Variants in CTDSPL observed in about 807,000 individuals in gnomAD.
CTDSPL encodes CTD small phosphatase like, also known as CTD small phosphatase-like protein.
In CTDSPL, 8 loss-of-function variants were observed where a neutral mutation model predicts 30.5. That is an observed-to-expected ratio of 0.26 (90% CI 0.15 to 0.47). The LOEUF is 0.47. Ranked by LOEUF, CTDSPL falls within the 20% of genes least tolerant of loss-of-function variation. CTDSPL has a pLI of 0.99. For missense variants in CTDSPL, 248 were observed against 366.1 expected (o/e 0.68, Z 2.63); for synonymous variants, 110 against 137.9 (o/e 0.80, Z 1.42).
chr3:37,900,822 G>T (rs145210303), intron 1 of CTDSPL, among the ~76,000 whole-genome samples: 1 of 151,866 alleles, frequency 6.6e-6, no homozygotes, highest in African/African-American at 2.4e-5. Context: ...TTTTTTAGAC[G>T]AAGTCTCGCT....
intron 4 of CTDSPL, 65 bp downstream of exon 4, chr3:37,964,737 GA>G: frequency 7.7e-7 from 1 of 1,291,590 alleles, no homozygotes; most frequent in Non-Finnish European, 1.1e-6. Context: ...TTGGAAAAGG[GA>G]AAACAAAAAG....
rs575171200 is a variant in CTDSPL at position 37,949,315 on chromosome 3, C to T, written c.234+2104C>T. ...TCCCTATTTGTTGATGCAGGCAGTT[C>T]CCCTTTATGGACATAATTATGAATG... On this transcript the variant is annotated intron_variant, in intron 2 of 7. Transcript: ENST00000273179. Among the ~76,000 whole-genome samples the T allele has an allele frequency of 6.6e-5, 10 of 152,208 alleles. No individual in the cohort carries two copies. The East Asian group carries it at 1.2e-3, about 18-fold the overall frequency.
intron 2 of CTDSPL, among the ~76,000 whole-genome samples, chr3:37,950,189 A>G (rs1163198735): frequency 6.6e-6 from 1 of 152,200 alleles, no homozygotes; most frequent in African/African-American, 2.4e-5. Flanking sequence ...CTGCTGGGCC[A>G]TGAAAACAGC....
In CTDSPL at chr3:37,981,026, C is replaced by G. The variant is rs1699485680; in HGVS notation, c.*159C>G. 1.6e-6 allele frequency: 1 copy of G among 635,144 alleles called. No individual in the cohort carries two copies. The highest frequency in any genetic ancestry group is 2.3e-6 in the Non-Finnish European group (1 of 439,292). 39.3% of individuals were successfully genotyped at this position (635,144 alleles called of 1,614,324 possible). A position where few individuals can be genotyped will look rare whatever the true frequency, so the allele number is the denominator to read the frequency against. ...CCTACCTGTTTTGTTTTTTTAAGAA[C>G]AGAAACAACTATTTTAAAAGAACTC... On this transcript the variant is annotated 3_prime_UTR_variant, in exon 8 of 8. Transcript: ENST00000273179.
intron 1 of CTDSPL, among the ~76,000 whole-genome samples, chr3:37,898,993 G>A (rs761908762): frequency 4.6e-4 from 70 of 152,316 alleles, no homozygotes; most frequent in Non-Finnish European, 9.6e-4. Flanking sequence ...ATCCCAGTGA[G>A]TGAATGAGGA....
At chr3:37,976,446 A>G (rs1699428884) in intron 7 of CTDSPL, among the ~76,000 whole-genome samples, 1 of 152,102 alleles carries the variant, frequency 6.6e-6, no homozygotes, top group South Asian at 2.1e-4. Flanking sequence ...ATCCTGGCCA[A>G]CATGGTAAAA....
At chr3:37,872,941 A>G (rs2125589041) in intron 1 of CTDSPL, among the ~76,000 whole-genome samples, 2 of 152,228 alleles carry the variant, frequency 1.3e-5, no homozygotes, top group Admixed American at 1.3e-4. Context: ...TCTCTACTGT[A>G]CTGCAATGGG....
intron 1 of CTDSPL, among the ~76,000 whole-genome samples, chr3:37,921,954 C>T (rs1199553771): frequency 6.6e-6 from 1 of 152,156 alleles, no homozygotes; most frequent in East Asian, 1.9e-4. Context: ...CCACATAGGG[C>T]CAGGCGCGGT....
chr3:37,900,684 G>A lies in CTDSPL; in HGVS notation c.79+38406G>A, dbSNP rs561444075. Among the ~76,000 whole-genome samples the A allele has an allele frequency of 2.0e-5, 3 of 152,190 alleles. No individual in the cohort carries two copies. In the South Asian group the frequency reaches 6.2e-4, roughly 32 times the overall value. On this transcript the variant is annotated intron_variant, in intron 1 of 7. Coordinates refer to ENST00000273179, the MANE Select transcript of CTDSPL (RefSeq NM_001008392.2). ...TATGTATATGGATAAATATCATGAG[G>A]AGACCATGGAACCTATCTCACATAT...
chr3:37,890,762 T>C (rs1231887821), intron 1 of CTDSPL, among the ~76,000 whole-genome samples: 2 of 152,166 alleles, frequency 1.3e-5, no homozygotes, highest in Non-Finnish European at 2.9e-5. Context: ...GGCAGGTAAC[T>C]GGGCTATCTC....
At chr3:37,949,825 G>T (rs2125623824) in intron 2 of CTDSPL, among the ~76,000 whole-genome samples, 1 of 152,340 alleles carries the variant, frequency 6.6e-6, no homozygotes, top group East Asian at 1.9e-4. Context: ...TGGGCCTGCT[G>T]GTGGAGCCTG....
At chr3:37,876,941 A>T (rs1297924582) in intron 1 of CTDSPL, among the ~76,000 whole-genome samples, 3 of 152,002 alleles carry the variant, frequency 2.0e-5, no homozygotes, top group African/African-American at 7.3e-5. Flanking sequence ...CCCCGTCTCT[A>T]CTAAAAATAC....
intron 1 of CTDSPL, among the ~76,000 whole-genome samples, chr3:37,896,205 T>C (rs1698388363): frequency 6.6e-6 from 1 of 152,144 alleles, no homozygotes; most frequent in Admixed American, 6.5e-5. Context: ...ATACAAATGA[T>C]TGAATGCAGA....
intron 1 of CTDSPL, among the ~76,000 whole-genome samples, chr3:37,875,839 TATTA>T (rs1429846877): frequency 2.0e-5 from 3 of 152,270 alleles, no homozygotes; most frequent in African/African-American, 7.2e-5. Context: ...TTTGAGTTGC[TATTA>T]ATTCTAATGT....
chr3:37,967,742 T>C, intron 4 of CTDSPL, 84 bp from the exon 5 acceptor site: 1 of 951,080 alleles, frequency 1.1e-6, no homozygotes, highest in Admixed American at 2.6e-5. Flanking sequence ...AAAACATTGG[T>C]CTAGGCAGGC....
intron 7 of CTDSPL, among the ~76,000 whole-genome samples, chr3:37,979,934 C>T (rs374537467): frequency 6.6e-6 from 1 of 152,240 alleles, no homozygotes; most frequent in African/African-American, 2.4e-5. Context: ...GAAGTGTGTC[C>T]ATTTCTGCCC....
intron 2 of CTDSPL, among the ~76,000 whole-genome samples, chr3:37,951,575 G>A (rs1208172093): frequency 6.6e-6 from 1 of 152,072 alleles, no homozygotes; most frequent in Non-Finnish European, 1.5e-5. Flanking sequence ...CAGCTACTCT[G>A]GAGACTGAAG....
chr3:37,960,480 CAAAAAA>C (rs1208033395), intron 3 of CTDSPL, among the ~76,000 whole-genome samples: 32 of 4,898 alleles, frequency 6.5e-3, no homozygotes, highest in African/African-American at 0.018. Flanking sequence ...AACTCTGTCT[CAAAAAA>C]AAAAAAAAAA....
intron 1 of CTDSPL, among the ~76,000 whole-genome samples, chr3:37,930,196 T>C (rs1698837387): frequency 6.6e-6 from 1 of 152,148 alleles, no homozygotes. Context: ...TGTAGATTTC[T>C]AGTTTCATTT....
Sources: allele counts gnomAD v4.1 joint callset (sites outside exome capture counted in the v4.1 genomes callset), GRCh38; gene constraint gnomAD v4.1.1; transcripts MANE v1.5; gene names NCBI Gene and HGNC (gene_info 2026-07-23, HGNC 2026-07-21).